DNM3: variants seen among roughly 807,000 people sequenced by gnomAD.
The protein encoded by DNM3 is dynamin-3.
Under a neutral mutation model 101.6 loss-of-function variants are expected in DNM3, and 47 were observed. That is an observed-to-expected ratio of 0.46 (90% CI 0.37 to 0.59). The LOEUF is 0.59. DNM3 is among the 20% of genes least tolerant of loss of function. DNM3 has a pLI of 0.00. For missense variants in DNM3, 849 were observed against 1,085.7 expected (o/e 0.78, Z 3.06); for synonymous variants, 385 against 387.9 (o/e 0.99, Z 0.09).
intron 17 of DNM3, among the ~76,000 whole-genome samples, chr1:172,338,181 C>T (rs1423342520): frequency 6.6e-6 from 1 of 152,080 alleles, no homozygotes; most frequent in Non-Finnish European, 1.5e-5. Flanking sequence ...TCCCAAAGTG[C>T]TGGGATTACA....
chr1:172,108,859 C>T (rs933765854), intron 13 of DNM3, among the ~76,000 whole-genome samples: 1 of 152,230 alleles, frequency 6.6e-6, no homozygotes, highest in East Asian at 1.9e-4. Flanking sequence ...ATGGATGGCC[C>T]CTGTGGGCAG....
chr1:172,323,126 T>G (rs974053175), intron 16 of DNM3, among the ~76,000 whole-genome samples: 1 of 152,220 alleles, frequency 6.6e-6, no homozygotes, highest in African/African-American at 2.4e-5. Flanking sequence ...CTTTGACTTG[T>G]CCATGAGCTC....
chr1:172,273,294 T>C (rs1357356052), intron 15 of DNM3, among the ~76,000 whole-genome samples: 1 of 152,006 alleles, frequency 6.6e-6, no homozygotes, highest in Non-Finnish European at 1.5e-5. Context: ...TTGAGAAAGT[T>C]TCTCTTCAAA....
chr1:172,148,288 T>C (rs1478740560), intron 14 of DNM3, among the ~76,000 whole-genome samples: 1 of 150,762 alleles, frequency 6.6e-6, no homozygotes, highest in African/African-American at 2.4e-5. Context: ...GCAGGAACAA[T>C]ATATTTGTAT....
At chr1:172,370,417 G>A (rs1377434295) in intron 17 of DNM3, 1 of 151,944 alleles carries the variant, frequency 6.6e-6, no homozygotes, top group African/African-American at 2.4e-5. Context: ...ATAAGCAAAA[G>A]CAGTGAGATG....
rs150330860 is a variant in DNM3, at chr1:172,206,527, C to CA, written c.1660-47046_1660-47045insA. Among the ~76,000 whole-genome samples, 116 of 151,572 alleles carry CA rather than the reference C, an allele frequency of 7.7e-4. No homozygotes were observed. In the East Asian group the frequency reaches 0.015, roughly 19 times the overall value. On this transcript the variant is annotated intron_variant, in intron 14 of 20. Transcript: ENST00000627582. ...TCAAGGATTTGCCTAAATAATACTG[C>CA]TTTTTTTTTCTTTTACTGCAAGTAC...
intron 2 of DNM3, among the ~76,000 whole-genome samples, chr1:171,945,315 A>G (rs536995840): frequency 2.0e-5 from 3 of 152,310 alleles, no homozygotes; most frequent in South Asian, 2.1e-4. Context: ...TATAGATAAT[A>G]TATAGCACAG....
At chr1:171,961,225 C>T (rs535015210) in intron 2 of DNM3, among the ~76,000 whole-genome samples, 1 of 152,096 alleles carries the variant, frequency 6.6e-6, no homozygotes, top group African/African-American at 2.4e-5. Flanking sequence ...GTTGGTGAGA[C>T]AATGAGCTCA....
chr1:172,025,007 A>G (rs1156497099), intron 4 of DNM3, among the ~76,000 whole-genome samples: 1 of 152,210 alleles, frequency 6.6e-6, no homozygotes, highest in African/African-American at 2.4e-5. Context: ...GGTCTAGCTC[A>G]GCGGATCTCA....
At chr1:172,025,737 A>G (rs1309552654) in intron 4 of DNM3, among the ~76,000 whole-genome samples, 1 of 152,208 alleles carries the variant, frequency 6.6e-6, no homozygotes, top group African/African-American at 2.4e-5. Flanking sequence ...GAAAACTAAC[A>G]AATCAGAAAA....
chr1:171,872,255 T>C (rs1343364647), intron 1 of DNM3, among the ~76,000 whole-genome samples: 2 of 152,236 alleles, frequency 1.3e-5, no homozygotes, highest in Non-Finnish European at 2.9e-5. Context: ...ATTCATTATA[T>C]AGGCTTTGCA....
At chr1:172,077,638 C>G (rs571310767) in intron 11 of DNM3, among the ~76,000 whole-genome samples, 2 of 152,222 alleles carry the variant, frequency 1.3e-5, no homozygotes, top group African/African-American at 4.8e-5. Flanking sequence ...TTTCTTAATC[C>G]TGAGTTCTAA....
intron 12 of DNM3, among the ~76,000 whole-genome samples, chr1:172,089,884 C>T (rs2053789106): frequency 6.6e-6 from 1 of 152,152 alleles, no homozygotes; most frequent in Non-Finnish European, 1.5e-5. Context: ...TAAGAAACAA[C>T]TTGTTTAGTC....
intron 13 of DNM3, among the ~76,000 whole-genome samples, chr1:172,115,273 A>G (rs1189767238): frequency 6.6e-6 from 1 of 151,994 alleles, no homozygotes; most frequent in South Asian, 2.1e-4. Flanking sequence ...TCTCCTTTCC[A>G]ATAGCAAATC....
rs74814161 is a variant in DNM3, at chr1:172,159,226, G to A, written c.1659+27938G>A. ...GGAGAAAAAAGCCGTCTATGGAAAA[G>A]AACAAGCATTACCTGTGTGTGAGTC... On this transcript the variant is annotated intron_variant, in intron 14 of 20. Transcript: ENST00000627582. Among the ~76,000 whole-genome samples the A allele has an allele frequency of 5.4e-3, 823 of 152,118 alleles. 8 individuals carry two copies. Among genetic ancestry groups the A allele is most frequent in the African/African-American group, 0.019 (779 of 41,518 alleles).
chr1:172,069,814 T>C (rs1049088812), intron 11 of DNM3, among the ~76,000 whole-genome samples: 8 of 152,298 alleles, frequency 5.3e-5, no homozygotes, highest in Admixed American at 5.2e-4. Context: ...CTATATGCTC[T>C]CTGAAAGCCT....
chr1:171,887,450 T>C (rs1173211564), intron 1 of DNM3, among the ~76,000 whole-genome samples: 1 of 152,186 alleles, frequency 6.6e-6, no homozygotes, highest in African/African-American at 2.4e-5. Flanking sequence ...TAAAAGATTT[T>C]CCATAGTTTT....
intron 17 of DNM3, among the ~76,000 whole-genome samples, chr1:172,346,136 A>G (rs1246114130): frequency 2.0e-5 from 3 of 151,806 alleles, no homozygotes; most frequent in Non-Finnish European, 2.9e-5. Flanking sequence ...AAAAAAAAAA[A>G]AAAAAAGAAA....
intron 2 of DNM3, among the ~76,000 whole-genome samples, chr1:171,962,313 C>T (rs1245168093): frequency 6.6e-6 from 1 of 152,094 alleles, no homozygotes; most frequent in African/African-American, 2.4e-5. Context: ...TATGATTCCA[C>T]CTATATGAAA....
Sources: allele counts gnomAD v4.1 joint callset (sites outside exome capture counted in the v4.1 genomes callset), GRCh38; gene constraint gnomAD v4.1.1; transcripts MANE v1.5; gene names NCBI Gene and HGNC (gene_info 2026-07-23, HGNC 2026-07-21).